LYRM1: variants seen among roughly 807,000 people sequenced by gnomAD.
LYRM1 encodes the protein LYR motif-containing protein 1.
Under a neutral mutation model 14.9 loss-of-function variants are expected in LYRM1, and 14 were observed. The observed-to-expected ratio is 0.94, with a 90% confidence interval of 0.62 to 1.47. The LOEUF is 1.47. Among genes scored for constraint, LYRM1 ranks in the 40% most tolerant of loss-of-function variants. LYRM1 has a pLI of 0.00. For synonymous variants in LYRM1, 43 were observed against 56.2 expected (o/e 0.77, Z 1.05); for missense variants, 153 against 149.9 (o/e 1.02, Z -0.11).
At chr16:20,907,148 T>G (rs1433520274) in intron 1 of LYRM1, among the ~76,000 whole-genome samples, 2 of 152,188 alleles carry the variant, frequency 1.3e-5, no homozygotes, top group African/African-American at 4.8e-5. Context: ...GTTGGAATTA[T>G]AAGTAGTTAT....
chr16:20,906,433 A>G (rs192186437), intron 1 of LYRM1, among the ~76,000 whole-genome samples: 1 of 152,302 alleles, frequency 6.6e-6, no homozygotes, highest in East Asian at 1.9e-4. Flanking sequence ...TACTTGGGAG[A>G]GAAATTTGAC....
rs1457326569 is a variant in LYRM1 at position 20,924,704 on chromosome 16, C to A, written c.*588C>A. 1.3e-5 allele frequency: 2 copies of A among 152,188 alleles called. No individual in the cohort carries two copies. Among genetic ancestry groups the A allele is most frequent in the Non-Finnish European group, 2.9e-5 (2 of 68,078 alleles). 9.4% of individuals were successfully genotyped at this position (152,188 alleles called of 1,614,324 possible). ...TTAACAAAATGCATATATTCCTTAT[C>A]TTAAAGCCTGTCATTACTTAGGATG... On this transcript the variant is annotated 3_prime_UTR_variant, in exon 4 of 4. Transcript: ENST00000567954.
chr16:20,917,613 C>T (rs1348405856), intron 2 of LYRM1, among the ~76,000 whole-genome samples: 2 of 152,004 alleles, frequency 1.3e-5, no homozygotes, highest in Admixed American at 6.6e-5. Context: ...CAAAAATTAG[C>T]TGGGTGTGGT....
At chr16:20,923,901 C>G in intron 3 of LYRM1, 99 bp from the exon 4 acceptor site, 1 of 663,752 alleles carries the variant, frequency 1.5e-6, no homozygotes, top group East Asian at 2.6e-5. Context: ...AGATACAGCA[C>G]TTAGCAGAGA....
intron 1 of LYRM1, among the ~76,000 whole-genome samples, chr16:20,908,644 A>G (rs557668124): frequency 6.6e-6 from 1 of 152,396 alleles, no homozygotes; most frequent in South Asian, 2.1e-4. Context: ...TTCTTACTGT[A>G]ATGAACAAGA....
chr16:20,902,043 G>A (rs1362373456), intron 1 of LYRM1, among the ~76,000 whole-genome samples: 1 of 152,198 alleles, frequency 6.6e-6, no homozygotes, highest in African/African-American at 2.4e-5. Flanking sequence ...CCCGGGAGGT[G>A]GAGGTTGCAG....
At chr16:20,909,416 G>A (rs899243290) in intron 1 of LYRM1, among the ~76,000 whole-genome samples, 1 of 152,154 alleles carries the variant, frequency 6.6e-6, no homozygotes, top group Admixed American at 6.6e-5. Context: ...GATTATAGAA[G>A]GTTAACTTTT....
chr16:20,909,947 C>T (rs1188001548), intron 1 of LYRM1, among the ~76,000 whole-genome samples: 2 of 152,144 alleles, frequency 1.3e-5, no homozygotes, highest in Non-Finnish European at 2.9e-5. Flanking sequence ...CTTTAACAAA[C>T]CATTACTTAA....
At chr16:20,905,198 A>G (rs1048515035) in intron 1 of LYRM1, among the ~76,000 whole-genome samples, 1 of 152,172 alleles carries the variant, frequency 6.6e-6, no homozygotes, top group Non-Finnish European at 1.5e-5. Flanking sequence ...CCTCCTATTC[A>G]GGTAACATTT....
rs544726956 is a variant in LYRM1 at position 20,901,612 on chromosome 16, C to T, written c.-1+723C>T. On this transcript the variant is annotated intron_variant, in intron 1 of 3. Transcript: ENST00000567954. The surrounding 1 kb of genome is among the most constrained non-coding windows in gnomAD (Gnocchi z 4.6). ...GCAAACAGAGCCAGGGCCGGAGTGC[C>T]CTGTGATGTAGTTGGGGAAGTGGCA... 6.6e-6 allele frequency among the ~76,000 whole-genome samples: 1 copy of T among 152,320 alleles called. No individual in the cohort carries two copies. Among genetic ancestry groups the T allele is most frequent in the South Asian group, 2.1e-4 (1 of 4,828 alleles).
At chr16:20,909,639 G>A (rs1378815032) in intron 1 of LYRM1, among the ~76,000 whole-genome samples, 6 of 152,066 alleles carry the variant, frequency 3.9e-5, no homozygotes, top group Non-Finnish European at 7.4e-5. Flanking sequence ...AGCAATAAAT[G>A]TTGGTTTCAA....
Position 20,920,174 on chromosome 16 carries a change from T to A in LYRM1, c.212T>A (p.Ile71Asn), listed in dbSNP as rs1216578666. Residue 71 changes from isoleucine (I) to asparagine (N), a missense_variant, in exon 3 of 4, where the codon ATT becomes AAT. Transcript: ENST00000567954. ...KQCIDECTAR[I>N]EIGLHYKIPY... Reference sequence around the variant, plus strand: ...TGTATAGATGAATGCACAGCCAGGATTGAAATTGGACTGCATTACAAGATT... The same window carrying A: ...TGTATAGATGAATGCACAGCCAGGAATGAAATTGGACTGCATTACAAGATT... 3 of 1,614,124 alleles carry A rather than the reference T, an allele frequency of 1.9e-6. No homozygotes were observed. The highest frequency in any genetic ancestry group is 1.7e-6 in the Non-Finnish European group (2 of 1,179,992).
chr16:20,916,235 G>A (rs1053508975), intron 2 of LYRM1, among the ~76,000 whole-genome samples: 3 of 152,112 alleles, frequency 2.0e-5, no homozygotes, highest in Non-Finnish European at 4.4e-5. Flanking sequence ...TGGGACCACA[G>A]AACTGGGTAA....
At chr16:20,920,947 C>T (rs377231599) in intron 3 of LYRM1, among the ~76,000 whole-genome samples, 2 of 116,400 alleles carry the variant, frequency 1.7e-5, no homozygotes, top group East Asian at 2.2e-4. Flanking sequence ...ATTATATAAA[C>T]TTAATACATT....
intron 2 of LYRM1, among the ~76,000 whole-genome samples, chr16:20,916,944 A>G (rs533480197): frequency 6.6e-6 from 1 of 152,132 alleles, no homozygotes; most frequent in South Asian, 2.1e-4. Context: ...AAGGCTGGAC[A>G]TGGTGGCTCA....
rs1362991948 is a variant in LYRM1, at chr16:20,914,461, T to C, written c.1-1095T>C. Reference sequence around the variant, plus strand: ...ATGCCGCCACACCTGGCTAATTTTTTTTTTTTTTTTTTTGTATTTTAGTAG... The same window carrying C: ...ATGCCGCCACACCTGGCTAATTTTTCTTTTTTTTTTTTTGTATTTTAGTAG... On this transcript the variant is annotated intron_variant, in intron 1 of 3. Coordinates refer to ENST00000567954, the MANE Select transcript of LYRM1 (RefSeq NM_001128302.3). 1.7e-4 allele frequency among the ~76,000 whole-genome samples: 26 copies of C among 150,140 alleles called. No homozygotes were observed. The South Asian group carries it at 5.1e-3, about 29-fold the overall frequency.
At chr16:20,909,548 AGATCAACCCCT>A (rs1188421638) in intron 1 of LYRM1, among the ~76,000 whole-genome samples, 1 of 152,234 alleles carries the variant, frequency 6.6e-6, no homozygotes, top group Non-Finnish European at 1.5e-5. Context: ...CCATTGTATC[AGATCAACCCCT>A]GATGTAGTGA....
At chr16:20,902,364 G>A (rs1229092078) in intron 1 of LYRM1, 1 of 152,172 alleles carries the variant, frequency 6.6e-6, no homozygotes, top group Non-Finnish European at 1.5e-5. Context: ...TATACAAGTC[G>A]GGGAAAAATC....
At chr16:20,918,339 G>T (rs1213949708) in intron 2 of LYRM1, among the ~76,000 whole-genome samples, 1 of 152,154 alleles carries the variant, frequency 6.6e-6, no homozygotes, top group East Asian at 1.9e-4. Flanking sequence ...AGAGGGAGGT[G>T]TATGTGCCAC....
Sources: allele counts gnomAD v4.1 joint callset (sites outside exome capture counted in the v4.1 genomes callset), GRCh38; gene constraint gnomAD v4.1.1; non-coding constraint Gnocchi (gnomAD v3.1); transcripts MANE v1.5; gene names NCBI Gene and HGNC (gene_info 2026-07-23, HGNC 2026-07-21).